Variants in TRAPPC9 observed in about 807,000 individuals in gnomAD.
TRAPPC9 encodes trafficking protein particle complex subunit 9.
Under a neutral mutation model 124.0 loss-of-function variants are expected in TRAPPC9, and 83 were observed. The observed-to-expected ratio is 0.67, with a 90% CI of 0.56 to 0.80. The LOEUF is 0.80. Among genes scored for constraint, TRAPPC9 ranks in the 30% least tolerant of loss-of-function variants. The pLI is 0.00. For missense variants in TRAPPC9, 1,302 were observed against 1,508.3 expected, an observed-to-expected ratio of 0.86 and a Z score of 2.27; for synonymous variants, 638 against 617.5, an observed-to-expected ratio of 1.03 and a Z score of -0.49.
intron 17 of TRAPPC9, among the ~76,000 whole-genome samples, chr8:140,080,653 T>C (rs1843764075): frequency 6.6e-6 from 1 of 152,182 alleles, no homozygotes; most frequent in Non-Finnish European, 1.5e-5. Context: ...TCAGCCCCCA[T>C]GACCCAATCA....
chr8:139,833,339 C>T (rs867883386), intron 21 of TRAPPC9, among the ~76,000 whole-genome samples: 53 of 152,306 alleles, frequency 3.5e-4, no homozygotes, highest in African/African-American at 1.3e-3. Context: ...AATTCTGCTT[C>T]AGTTTCTCCA....
chr8:140,231,099 A>C (rs2063580759), intron 16 of TRAPPC9, among the ~76,000 whole-genome samples: 1 of 152,244 alleles, frequency 6.6e-6, no homozygotes, highest in South Asian at 2.1e-4. Context: ...TGCCTAGCAC[A>C]TAGTAGCTAT....
intron 16 of TRAPPC9, among the ~76,000 whole-genome samples, chr8:140,234,903 C>T (rs984744269): frequency 1.3e-5 from 2 of 152,082 alleles, no homozygotes; most frequent in African/African-American, 4.8e-5. Context: ...GTAAAGATTT[C>T]CTAAACAAAA....
rs956652095 is a variant in TRAPPC9 at position 140,241,680 on chromosome 8, C to T, written c.2431+11097G>A. On this transcript the variant is annotated intron_variant, in intron 16 of 22. Coordinates refer to ENST00000438773, the MANE Select transcript of TRAPPC9 (RefSeq NM_001160372.4). This position sits in a 1 kb window ranked among gnomAD's most constrained non-coding sequence, Gnocchi z 5.0. ...ACTGCACTCCAGCCTGGCAACAGTC[C>T]GAGACTCCATCTCAAAAAAATAAAA... Among the ~76,000 whole-genome samples the T allele has an allele frequency of 1.3e-5, 2 of 150,796 alleles. No individual in the cohort carries two copies. Among genetic ancestry groups the T allele is most frequent in the Non-Finnish European group, 2.9e-5 (2 of 67,892 alleles).
intron 21 of TRAPPC9, among the ~76,000 whole-genome samples, chr8:139,878,374 A>G (rs140408060): frequency 6.6e-5 from 10 of 152,328 alleles, no homozygotes; most frequent in Non-Finnish European, 1.2e-4. Flanking sequence ...GGGATAGGGA[A>G]AGGCTGTTTT....
chr8:140,457,710 G>A lies in TRAPPC9; in HGVS notation c.-82C>T, dbSNP rs1397983686. On this transcript the variant is annotated 5_prime_UTR_variant, in exon 1 of 23. Coordinates refer to ENST00000438773, the MANE Select transcript of TRAPPC9 (RefSeq NM_001160372.4). ...GCAGCGGGGCCGAGCAGCCTCTGCG[G>A]CCACTTCCCAGGCTCTGGGCTGGCG... 4 of 988,596 alleles carry A rather than the reference G, an allele frequency of 4.0e-6. No individual in the cohort carries two copies. Among genetic ancestry groups the A allele is most frequent in the Non-Finnish European group, 4.8e-6 (4 of 831,928 alleles). 61.2% of individuals were successfully genotyped at this position (988,596 alleles called of 1,614,324 possible).
At chr8:139,924,301 A>C (rs1041722634) in intron 19 of TRAPPC9, among the ~76,000 whole-genome samples, 3 of 152,224 alleles carry the variant, frequency 2.0e-5, no homozygotes, top group Non-Finnish European at 4.4e-5. Context: ...CATGCACCTG[A>C]TGGCCAGCAG....
chr8:139,804,340 ACCACCGCCACCAAGCACCAC>A (rs1823830054), intron 21 of TRAPPC9, among the ~76,000 whole-genome samples: 2 of 103,878 alleles, frequency 1.9e-5, no homozygotes, highest in African/African-American at 7.6e-5. Context: ...AAGCACCACC[ACCACCGCCACCAAGCACCAC>A]CACCACCACT....
intron 21 of TRAPPC9, among the ~76,000 whole-genome samples, chr8:139,837,079 G>A (rs755982289): frequency 6.6e-5 from 10 of 152,108 alleles, no homozygotes; most frequent in African/African-American, 2.2e-4. Flanking sequence ...TCTATGCACC[G>A]GTGGTGTTAG....
chr8:140,128,409 C>A (rs764603969), intron 17 of TRAPPC9, among the ~76,000 whole-genome samples: 1 of 152,208 alleles, frequency 6.6e-6, no homozygotes, highest in Non-Finnish European at 1.5e-5. Context: ...CTGTGCCCAG[C>A]CAGAATGGAG....
At chr8:140,414,656 G>C (rs534873935) in intron 5 of TRAPPC9, among the ~76,000 whole-genome samples, 40 of 152,206 alleles carry the variant, frequency 2.6e-4, no homozygotes, top group Admixed American at 1.6e-3. Flanking sequence ...TGAAATTTGG[G>C]GAATTCACAA....
At chr8:140,125,656 G>A (rs369334269) in intron 17 of TRAPPC9, among the ~76,000 whole-genome samples, 6 of 141,752 alleles carry the variant, frequency 4.2e-5, no homozygotes, top group African/African-American at 1.3e-4. Flanking sequence ...GTGCAGTGGC[G>A]CGATCTCGGC....
chr8:139,958,839 T>C (rs1316999703), intron 19 of TRAPPC9, among the ~76,000 whole-genome samples: 2 of 152,214 alleles, frequency 1.3e-5, no homozygotes, highest in African/African-American at 2.4e-5. Flanking sequence ...ATGTGACCAC[T>C]GCCCTCGGGA....
At chr8:140,307,038 G>A (rs2066157103) in intron 10 of TRAPPC9, among the ~76,000 whole-genome samples, 1 of 152,164 alleles carries the variant, frequency 6.6e-6, no homozygotes, top group African/African-American at 2.4e-5. Flanking sequence ...CGGTCTCCTT[G>A]CAGCCATGTG....
chr8:140,276,455 G>A (rs2065124583), intron 14 of TRAPPC9, among the ~76,000 whole-genome samples: 3 of 152,304 alleles, frequency 2.0e-5, no homozygotes, highest in African/African-American at 4.8e-5. Flanking sequence ...CCTGGACTAC[G>A]GGACAGGCCA....
chr8:139,788,533 T>C lies in TRAPPC9; in HGVS notation c.3056-56331A>G, dbSNP rs1822431595. On this transcript the variant is annotated intron_variant, in intron 21 of 22. Coordinates refer to ENST00000438773, the MANE Select transcript of TRAPPC9 (RefSeq NM_001160372.4). The surrounding 1 kb of genome is among the most constrained non-coding windows in gnomAD (Gnocchi z 4.9). The stretch of plus-strand genomic sequence containing the variant: ...TCGGGCGGCCCATGGTCCTGGGGCA[T>C]GGCAGCTGCTCAGGCAGTGCCAGCA... 1.3e-5 allele frequency among the ~76,000 whole-genome samples: 2 copies of C among 152,184 alleles called. No homozygotes were observed. The highest frequency in any genetic ancestry group is 4.8e-5 in the African/African-American group (2 of 41,450).
intron 19 of TRAPPC9, among the ~76,000 whole-genome samples, chr8:139,944,357 C>G (rs1834082959): frequency 1.3e-5 from 2 of 152,126 alleles, no homozygotes; most frequent in Non-Finnish European, 2.9e-5. Flanking sequence ...ATTTTAAATA[C>G]AGATGACTTC....
intron 17 of TRAPPC9, among the ~76,000 whole-genome samples, chr8:140,173,706 C>T (rs574618767): frequency 2.6e-5 from 4 of 152,166 alleles, no homozygotes; most frequent in Non-Finnish European, 5.9e-5. Context: ...TTTGCTCACC[C>T]CAGTCTAAGA....
At chr8:140,407,694 G>T (rs958626052) in intron 5 of TRAPPC9, among the ~76,000 whole-genome samples, 1 of 152,060 alleles carries the variant, frequency 6.6e-6, no homozygotes, top group Non-Finnish European at 1.5e-5. Flanking sequence ...ATCTCAGCTC[G>T]CTACAACCCC....
Sources: allele counts gnomAD v4.1 joint callset (sites outside exome capture counted in the v4.1 genomes callset), GRCh38; gene constraint gnomAD v4.1.1; non-coding constraint Gnocchi (gnomAD v3.1); transcripts MANE v1.5; gene names NCBI Gene and HGNC (gene_info 2026-07-23, HGNC 2026-07-21).